Variants in DAG1 observed in about 807,000 individuals in gnomAD.
DAG1 encodes the protein dystroglycan 1 (dystrophin-associated glycoprotein 1).
In DAG1, 8 loss-of-function variants were observed where a neutral mutation model predicts 46.1. That is an observed-to-expected ratio of 0.17 (90% CI 0.10 to 0.31). The LOEUF is 0.31. Ranked by LOEUF, DAG1 falls within the 10% of genes least tolerant of loss-of-function variation. The pLI is 1.00. For synonymous variants in DAG1, 495 were observed against 481.8 expected, an observed-to-expected ratio of 1.03 and a Z score of -0.36; for missense variants, 1,003 against 1,189.9, an observed-to-expected ratio of 0.84 and a Z score of 2.31.
chr3:49,477,481 T>C (rs957397463), intron 1 of DAG1, among the ~76,000 whole-genome samples: 1 of 151,974 alleles, frequency 6.6e-6, no homozygotes, highest in Non-Finnish European at 1.5e-5. Context: ...TTTGTGGAGA[T>C]GGGAACTCAC....
upstream of DAG1, among the ~76,000 whole-genome samples, chr3:49,469,439 C>T (rs1470554832): frequency 1.3e-5 from 2 of 152,174 alleles, no homozygotes; most frequent in African/African-American, 4.8e-5. Context: ...TTAGGACCCT[C>T]CCCTTGAATG....
chr3:49,515,388 G>GTTTGT (rs541794037), intron 2 of DAG1, among the ~76,000 whole-genome samples: 2 of 130,238 alleles, frequency 1.5e-5, no homozygotes, highest in African/African-American at 5.8e-5. Flanking sequence ...TTCTTGTGTT[G>GTTTGT]TTTTTTTTTT....
intron 1 of DAG1, among the ~76,000 whole-genome samples, chr3:49,491,346 C>T (rs1208093822): frequency 2.8e-5 from 4 of 143,314 alleles, no homozygotes; most frequent in Non-Finnish European, 6.0e-5. Flanking sequence ...GAGTCTCATT[C>T]TTTCGCCCAG....
chr3:49,520,274 A>G (rs1355376956), intron 2 of DAG1, among the ~76,000 whole-genome samples: 2 of 152,262 alleles, frequency 1.3e-5, no homozygotes, highest in Non-Finnish European at 2.9e-5. Context: ...GTCTTAGTCC[A>G]TGGCACAGAC....
At chr3:49,488,916 T>C (rs1194641496) in intron 1 of DAG1, among the ~76,000 whole-genome samples, 2 of 152,008 alleles carry the variant, frequency 1.3e-5, no homozygotes, top group Non-Finnish European at 2.9e-5. Context: ...CATTTGAACT[T>C]TAAGAATGAA....
At chr3:49,493,622 A>G (rs1225478931) in intron 1 of DAG1, among the ~76,000 whole-genome samples, 1 of 152,160 alleles carries the variant, frequency 6.6e-6, no homozygotes, top group Non-Finnish European at 1.5e-5. Flanking sequence ...ACTTGATTTT[A>G]CTTTGTATAG....
In DAG1 at chr3:49,510,597, G is replaced by C. The variant is rs776146096; in HGVS notation, c.63G>C (p.Leu21=). 5 of 1,614,042 alleles carry C rather than the reference G, an allele frequency of 3.1e-6. No homozygotes were observed. The Admixed American group carries it at 6.7e-5, about 22-fold the overall frequency. ...TCTCGGGGAGGACCTTTCTCCTCCT[G>C]CTCTCTGTGGTTATGGCTCAGTCCC... is the stretch of plus-strand genomic sequence containing the variant. The part of the protein sequence containing the change: ...LPLSGRTFLL[L]LSVVMAQSHW... Residue 21 remains leucine (L), a synonymous_variant, in exon 2 of 3, where the codon CTG becomes CTC. Transcript: ENST00000308775.
chr3:49,529,162 AT>A lies in DAG1; in HGVS notation c.286-1633del, dbSNP rs541114674. ...CACCATGCCTGGCCCAATAATAATAATTCCTAACAATGTCAGTAATCTCATG... is the reference window on the plus strand; with the variant it reads ...CACCATGCCTGGCCCAATAATAATAATCCTAACAATGTCAGTAATCTCATG... On this transcript the variant is annotated intron_variant, in intron 2 of 2. Coordinates refer to ENST00000308775, the MANE Select transcript of DAG1 (RefSeq NM_004393.6). 2.7e-3 allele frequency among the ~76,000 whole-genome samples: 417 copies of A among 152,094 alleles called. 3 individuals carry two copies. Among genetic ancestry groups the A allele is most frequent in the African/African-American group, 9.3e-3 (387 of 41,454 alleles).
chr3:49,478,538 T>TTTTA (rs1553642854), intron 1 of DAG1, among the ~76,000 whole-genome samples: 1 of 134,220 alleles, frequency 7.5e-6, no homozygotes, highest in Non-Finnish European at 1.6e-5. Context: ...TTTTTTTTTT[T>TTTTA]TTTTTTTTTT....
At chr3:49,508,394 A>ATATG (rs973763477) in intron 1 of DAG1, among the ~76,000 whole-genome samples, 10 of 150,348 alleles carry the variant, frequency 6.7e-5, no homozygotes, top group African/African-American at 2.2e-4. Context: ...TTGTTTGTGT[A>ATATG]TATGTATGTA....
At chr3:49,479,261 GTCTCC>G (rs1333310952) in intron 1 of DAG1, among the ~76,000 whole-genome samples, 1 of 151,790 alleles carries the variant, frequency 6.6e-6, no homozygotes, top group Non-Finnish European at 1.5e-5. Context: ...GATTCCTGGG[GTCTCC>G]TCCAGAGATG....
chr3:49,520,493 G>A (rs569799888), intron 2 of DAG1, among the ~76,000 whole-genome samples: 1 of 152,344 alleles, frequency 6.6e-6, no homozygotes, highest in East Asian at 1.9e-4. Context: ...CTAGGGATGA[G>A]GGAGCTGAAA....
intron 2 of DAG1, among the ~76,000 whole-genome samples, chr3:49,525,995 C>A (rs1250722846): frequency 2.0e-5 from 3 of 151,918 alleles, no homozygotes; most frequent in Non-Finnish European, 4.4e-5. Flanking sequence ...GGATTATAGG[C>A]GCCTGCCAGC....
chr3:49,481,383 T>G, intron 1 of DAG1, among the ~76,000 whole-genome samples: 1 of 122,220 alleles, frequency 8.2e-6, no homozygotes, highest in Non-Finnish European at 1.6e-5. Context: ...GGCGACAGAG[T>G]GAGACTCTGC....
intron 2 of DAG1, among the ~76,000 whole-genome samples, chr3:49,520,062 T>C (rs2050988530): frequency 6.6e-6 from 1 of 152,192 alleles, no homozygotes; most frequent in South Asian, 2.1e-4. Context: ...CCAATGATGA[T>C]CCCTTGTGGG....
chr3:49,532,187 A>C lies in DAG1; in HGVS notation c.1676A>C (p.Gln559Pro). The change falls in exon 3 of 3, where the codon CAG (glutamine) becomes CCG (proline). Residue 559 changes from glutamine (Q) to proline (P), a missense_variant. Gln to Pro is a moderately conservative substitution (Grantham distance 76). Coordinates refer to ENST00000308775, the MANE Select transcript of DAG1 (RefSeq NM_004393.6). The surrounding 1 kb of genome is among the most constrained non-coding windows in gnomAD (Gnocchi z 5.4). ...KSWVQFNSNS[Q>P]LMYGLPDSSH... ...TGGGTACAGTTCAACAGCAACAGCC[A>C]GCTCATGTATGGCCTTCCCGACAGC... is the stretch of plus-strand genomic sequence containing the variant. 1 of 1,614,242 alleles carries C rather than the reference A, an allele frequency of 6.2e-7. No homozygotes were observed.
At chr3:49,500,552 C>A (rs1016827025) in intron 1 of DAG1, among the ~76,000 whole-genome samples, 4 of 152,164 alleles carry the variant, frequency 2.6e-5, no homozygotes, top group African/African-American at 9.7e-5. Flanking sequence ...AATAAGGTTC[C>A]CATTCCCACT....
intron 1 of DAG1, among the ~76,000 whole-genome samples, chr3:49,478,527 GTTTTTTTTTTT>G (rs35150889): frequency 4.7e-5 from 4 of 85,078 alleles, no homozygotes; most frequent in Admixed American, 1.8e-4. Context: ...GAGCCCAAGA[GTTTTTTTTTTT>G]TTTTTTTTTT....
At chr3:49,504,469 T>C in intron 1 of DAG1, among the ~76,000 whole-genome samples, 1 of 152,022 alleles carries the variant, frequency 6.6e-6, no homozygotes, top group Admixed American at 6.6e-5. Context: ...GCTTTTGCAT[T>C]GTTGTCAAAA....
Sources: allele counts gnomAD v4.1 joint callset (sites outside exome capture counted in the v4.1 genomes callset), GRCh38; gene constraint gnomAD v4.1.1; non-coding constraint Gnocchi (gnomAD v3.1); transcripts MANE v1.5; gene names NCBI Gene and HGNC (gene_info 2026-07-23, HGNC 2026-07-21).